STK33: variants seen among roughly 807,000 people sequenced by gnomAD.
The protein encoded by STK33 is serine/threonine kinase 33.
Under a neutral mutation model 58.0 loss-of-function variants are expected in STK33, and 52 were observed. That is an observed-to-expected ratio of 0.90 (90% CI 0.72 to 1.13). The LOEUF (loss-of-function observed/expected upper bound fraction) is 1.13. STK33 is among the 50% of genes most tolerant of loss of function. The pLI is 0.00. For synonymous variants in STK33, 215 were observed against 200.1 expected, an observed-to-expected ratio of 1.07 and a Z score of -0.63; for missense variants, 630 against 604.2, an observed-to-expected ratio of 1.04 and a Z score of -0.45.
intron 1 of STK33, among the ~76,000 whole-genome samples, chr11:8,485,159 T>C (rs1380161255): frequency 1.3e-5 from 2 of 152,218 alleles, no homozygotes; most frequent in African/African-American, 2.4e-5. Flanking sequence ...TCCAACCACA[T>C]AGCCATTTAA....
At chr11:8,438,637 T>C (rs185141628) in intron 12 of STK33, among the ~76,000 whole-genome samples, 10 of 152,238 alleles carry the variant, frequency 6.6e-5, no homozygotes, top group African/African-American at 2.4e-4. Context: ...TAAAATTATA[T>C]TTCTAAGAAA....
At chr11:8,579,268 G>A (rs1344015494) in intron 1 of STK33, among the ~76,000 whole-genome samples, 1 of 151,936 alleles carries the variant, frequency 6.6e-6, no homozygotes, top group Non-Finnish European at 1.5e-5. Context: ...ACCTTTCAGT[G>A]GAGCCCTTAT....
the STK33 span, among the ~76,000 whole-genome samples, chr11:8,382,315 G>C: frequency 6.6e-6 from 1 of 152,210 alleles, no homozygotes; most frequent in Non-Finnish European, 1.5e-5. Flanking sequence ...CTGCACAGTC[G>C]CTGATGGTAG....
At chr11:8,439,869 T>TTTTATATATATATATATA (rs1554930118) in intron 12 of STK33, among the ~76,000 whole-genome samples, 1 of 107,274 alleles carries the variant, frequency 9.3e-6, no homozygotes, top group Non-Finnish European at 1.9e-5. Flanking sequence ...TATATTATAA[T>TTTTATATATATATATATA]TATATATATA....
At chr11:8,335,477 T>C in the STK33 span, among the ~76,000 whole-genome samples, 1 of 152,224 alleles carries the variant, frequency 6.6e-6, no homozygotes, top group Admixed American at 6.5e-5. Flanking sequence ...GCTTTGGGCA[T>C]TAACCCTTCT....
intron 1 of STK33, among the ~76,000 whole-genome samples, chr11:8,515,978 G>T (rs959842189): frequency 3.3e-5 from 5 of 152,272 alleles, no homozygotes; most frequent in African/African-American, 1.2e-4. Context: ...TTGTCAAAAT[G>T]CCCACACTGC....
chr11:8,467,917 C>T (rs527238154), intron 6 of STK33, among the ~76,000 whole-genome samples: 1 of 152,122 alleles, frequency 6.6e-6, no homozygotes, highest in South Asian at 2.1e-4. Flanking sequence ...TGCACTCTAG[C>T]CTGGTGACAA....
At chr11:8,393,845 G>A (rs2134939891) in intron 15 of STK33, among the ~76,000 whole-genome samples, 1 of 152,192 alleles carries the variant, frequency 6.6e-6, no homozygotes, top group Non-Finnish European at 1.5e-5. Context: ...GACTTTCCAG[G>A]GCTGCAATAA....
chr11:8,416,141 G>T (rs1381756933), intron 14 of STK33, among the ~76,000 whole-genome samples: 1 of 152,150 alleles, frequency 6.6e-6, no homozygotes, highest in Non-Finnish European at 1.5e-5. Flanking sequence ...AGATGAAAGT[G>T]CAGCAAAGAA....
the STK33 span, among the ~76,000 whole-genome samples, chr11:8,336,546 G>A: frequency 1.3e-5 from 2 of 152,246 alleles, no homozygotes; most frequent in Non-Finnish European, 2.9e-5. Context: ...CCTGTCAGGT[G>A]AACAGCCGAG....
intron 1 of STK33, among the ~76,000 whole-genome samples, chr11:8,570,863 C>A (rs1957762768): frequency 1.3e-5 from 2 of 152,088 alleles, no homozygotes; most frequent in Non-Finnish European, 2.9e-5. Context: ...TATTGCATGG[C>A]AATTACATCT....
chr11:8,407,994 T>C (rs554603042), intron 15 of STK33, among the ~76,000 whole-genome samples: 1 of 152,090 alleles, frequency 6.6e-6, no homozygotes, highest in East Asian at 1.9e-4. Context: ...TTTCCACAGA[T>C]AGTTCATCAG....
At position 8,468,490 on chromosome 11, in the gene STK33, G is replaced by A. The variant is rs1442191803; in HGVS notation, c.340-3668C>T. The stretch of plus-strand genomic sequence containing the variant: ...CTAATTACTCACCTCCTTCATGAAG[G>A]GCTTCCTTGTTTAACACAATTGTGT... On this transcript the variant is annotated intron_variant, in intron 6 of 15. Coordinates refer to ENST00000687296, the MANE Select transcript of STK33 (RefSeq NM_001352389.2). Among the ~76,000 whole-genome samples the A allele has an allele frequency of 3.3e-5, 5 of 152,024 alleles. No homozygotes were observed. The South Asian group carries it at 1.0e-3, about 32-fold the overall frequency.
chr11:8,484,513 T>C (rs916457819), intron 1 of STK33, among the ~76,000 whole-genome samples: 1 of 152,174 alleles, frequency 6.6e-6, no homozygotes, highest in Non-Finnish European at 1.5e-5. Context: ...AGTGGGAATG[T>C]CTTGATGGAA....
intron 10 of STK33, among the ~76,000 whole-genome samples, chr11:8,453,567 G>A (rs1946529875): frequency 6.6e-6 from 1 of 152,224 alleles, no homozygotes. Context: ...TGCCGCAACT[G>A]TAGGCCTTCT....
chr11:8,446,018 T>C (rs910176506), intron 11 of STK33, among the ~76,000 whole-genome samples: 2 of 151,876 alleles, frequency 1.3e-5, no homozygotes, highest in Non-Finnish European at 2.9e-5. Context: ...TGGGCTTTTT[T>C]TGGTTGGTAG....
chr11:8,413,367 T>C lies in STK33; in HGVS notation c.1344+128A>G. On this transcript the variant is annotated intron_variant, in intron 15 of 15. Transcript: ENST00000687296. ...CTAGCCTTATAAGGCAGAAAGAACTTTACTTGCTATATAACGCTCGGCCTT... is the reference window on the plus strand; with the variant it reads ...CTAGCCTTATAAGGCAGAAAGAACTCTACTTGCTATATAACGCTCGGCCTT... 5.0e-6 allele frequency: 5 copies of C among 995,060 alleles called. No homozygotes were observed. In the Admixed American group the frequency reaches 6.5e-5, roughly 13 times the overall value. 61.6% of individuals were successfully genotyped at this position (995,060 alleles called of 1,614,324 possible).
chr11:8,435,501 C>A lies in STK33; in HGVS notation c.1139G>T (p.Trp380Leu). The A allele has an allele frequency of 2.1e-6, 3 of 1,445,810 alleles. No individual in the cohort carries two copies. Among genetic ancestry groups the A allele is most frequent in the South Asian group, 3.3e-5 (2 of 59,862 alleles). The allele number at this position is 1,445,810 out of a possible 1,614,324, so 89.6% of individuals were successfully genotyped here. A position where few individuals can be genotyped will look rare whatever the true frequency, so the allele number is the denominator to read the frequency against. Residue 380 changes from tryptophan (W) to leucine (L), a missense_variant, in exon 14 of 16, where the codon TGG (tryptophan) becomes TTG (leucine). Trp to Leu is a moderately conservative substitution (Grantham distance 61). Transcript: ENST00000687296. ...ITAKELLDNQWLTGNKLSSVR... is the reference protein window; with the variant it reads ...ITAKELLDNQLLTGNKLSSVR... ...AGTAATATTGTAACTTACTGTTAAC[C>A]ACTGGTTATCTAGTAGTTCCTTAGC... is the stretch of plus-strand genomic sequence containing the variant.
intron 6 of STK33, among the ~76,000 whole-genome samples, chr11:8,468,274 C>G (rs1364520247): frequency 6.6e-6 from 1 of 152,140 alleles, no homozygotes; most frequent in African/African-American, 2.4e-5. Flanking sequence ...GAAAAACCTG[C>G]CCCCATGATT....
Sources: allele counts gnomAD v4.1 joint callset (sites outside exome capture counted in the v4.1 genomes callset), GRCh38; gene constraint gnomAD v4.1.1; transcripts MANE v1.5; gene names NCBI Gene and HGNC (gene_info 2026-07-23, HGNC 2026-07-21).